Variants in KCTD12 observed in about 807,000 individuals in gnomAD.
KCTD12 encodes BTB/POZ domain-containing protein KCTD12.
KCTD12 carries 16 observed loss-of-function variants against 22.6 expected under a neutral mutation model. The ratio of observed to expected loss-of-function variants is 0.71; its 90% CI spans 0.48 to 1.07. The LOEUF (loss-of-function observed/expected upper bound fraction) is 1.07. KCTD12 is among the 50% of genes least tolerant of loss of function. KCTD12 has a pLI of 0.00. For synonymous variants in KCTD12, 260 were observed against 228.0 expected (o/e 1.14, Z -1.26); for missense variants, 452 against 469.2 (o/e 0.96, Z 0.34).
Position 76,885,240 on chromosome 13 carries a change from G to T in KCTD12, c.909C>A (p.Ala303=). The change falls in exon 1 of 1, where the codon GCC becomes GCA. Residue 303 remains alanine, a synonymous_variant. Transcript: ENST00000377474. This position sits in a 1 kb window ranked among gnomAD's most constrained non-coding sequence, Gnocchi z 5.1. ...ACSSTGTCAF[A]SSTDQSEDKI... is the part of the protein sequence containing the mutation. The stretch of plus-strand genomic sequence containing the variant: ...TGTCCTCGCTCTGGTCGGTGCTGCT[G>T]GCAAAGGCGCAGGTGCCCGTGGAGC... The T allele has an allele frequency of 1.2e-6, 2 of 1,614,124 alleles. No homozygotes were observed. Among genetic ancestry groups the T allele is most frequent in the Non-Finnish European group, 1.7e-6 (2 of 1,180,030 alleles).
chr13:76,885,470 C>T lies in KCTD12; in HGVS notation c.679G>A (p.Asp227Asn). 1.2e-6 allele frequency: 2 copies of T among 1,609,354 alleles called. No individual in the cohort carries two copies. The highest frequency in any genetic ancestry group is 1.7e-6 in the Non-Finnish European group (2 of 1,179,562). The change falls in exon 1 of 1, where the codon GAC becomes AAC. Residue 227 changes from aspartate to asparagine, a missense_variant. By Grantham distance (23) the Asp-to-Asn change is conservative. This residue lies in a region of KCTD12 where 122 missense variants were observed against 172.8 expected (regional missense o/e 0.71). Transcript: ENST00000377474. The surrounding 1 kb of genome is among the most constrained non-coding windows in gnomAD (Gnocchi z 5.1). ...CGCGCCACTCGCCGGAACTTGGCGT[C>T]CGCCTGCGCGTCCCGCCCGATGGTG... ...SYTIGRDAQA[D>N]AKFRRVARIT...
At position 76,886,261 on chromosome 13, in the gene KCTD12, G is replaced by C. The variant is rs2033272364; in HGVS notation, c.-113C>G. The C allele has an allele frequency of 1.2e-4, 103 of 831,852 alleles. No homozygotes were observed. The highest frequency in any genetic ancestry group is 2.6e-4 in the South Asian group (6 of 23,242). The allele number at this position is 831,852 out of a possible 1,614,324, so 51.5% of individuals were successfully genotyped here. Reference sequence around the variant, plus strand: ...GGACGCTCGCTCAGCCCTGCGCCCCGCCGCCGCCGCCGCCGCCACCGCCGC... The same window carrying C: ...GGACGCTCGCTCAGCCCTGCGCCCCCCCGCCGCCGCCGCCGCCACCGCCGC... On this transcript the variant is annotated 5_prime_UTR_variant, in exon 1 of 1. Transcript: ENST00000377474.
rs1233653234 is a variant in KCTD12 at position 76,884,868 on chromosome 13, G to T, written c.*303C>A. 1 of 375,196 alleles carries T rather than the reference G, an allele frequency of 2.7e-6. No individual in the cohort carries two copies. Among genetic ancestry groups the T allele is most frequent in the Admixed American group, 4.2e-5 (1 of 23,694 alleles). 23.2% of individuals were successfully genotyped at this position (375,196 alleles called of 1,614,324 possible). A position where few individuals can be genotyped will look rare whatever the true frequency, so the allele number is the denominator to read the frequency against. ...ATAGATCCAAACTGAAGTACCATCTGGGGGAGGGGTGGTTTGAGGCAGGGA... is the reference window on the plus strand; with the variant it reads ...ATAGATCCAAACTGAAGTACCATCTTGGGGAGGGGTGGTTTGAGGCAGGGA... On this transcript the variant is annotated 3_prime_UTR_variant, in exon 1 of 1. Coordinates refer to ENST00000377474, the MANE Select transcript of KCTD12 (RefSeq NM_138444.4).
Position 76,885,739 on chromosome 13 carries a change from G to GC in KCTD12, c.409_410insG (p.Pro137ArgfsTer18). 2 of 1,436,074 alleles carry GC rather than the reference G, an allele frequency of 1.4e-6. No individual in the cohort carries two copies. The highest frequency in any genetic ancestry group is 1.8e-6 in the Non-Finnish European group (2 of 1,107,626). 89.0% of individuals were successfully genotyped at this position (1,436,074 alleles called of 1,614,324 possible). ...CCCGCGCCGCGAGGGCGGCGGCCCC[G>GC]GGCCGGGCTGCTGGGGCGCCCCGAG... On this transcript the variant is annotated frameshift_variant, in exon 1 of 1. Transcript: ENST00000377474. LOFTEE classifies it high-confidence loss of function. This position sits in a 1 kb window ranked among gnomAD's most constrained non-coding sequence, Gnocchi z 5.1.
rs897981446 is a variant in KCTD12, at chr13:76,884,724, AC to A, written c.*446del. The A allele has an allele frequency of 1.7e-4, 28 of 165,646 alleles. No individual in the cohort carries two copies. Among genetic ancestry groups the A allele is most frequent in the South Asian group, 7.8e-4 (5 of 6,438 alleles). 10.3% of individuals were successfully genotyped at this position (165,646 alleles called of 1,614,324 possible). On this transcript the variant is annotated 3_prime_UTR_variant, in exon 1 of 1. Transcript: ENST00000377474. ...AGTGGAACCAATCCTGATCTCTTAA[AC>A]CCCCAGTGAGTCATAAGAGCTTGAG...
Position 76,886,255 on chromosome 13 carries a change from C to A in KCTD12, c.-107G>T, listed in dbSNP as rs2033271794. ...GAACCCGGACGCTCGCTCAGCCCTG[C>A]GCCCCGCCGCCGCCGCCGCCGCCAC... On this transcript the variant is annotated 5_prime_UTR_variant, in exon 1 of 1. Coordinates refer to ENST00000377474, the MANE Select transcript of KCTD12 (RefSeq NM_138444.4). 3.2e-6 allele frequency: 4 copies of A among 1,268,658 alleles called. No homozygotes were observed. Among genetic ancestry groups the A allele is most frequent in the Non-Finnish European group, 4.0e-6 (4 of 997,266 alleles). 78.6% of individuals were successfully genotyped at this position (1,268,658 alleles called of 1,614,324 possible).
Position 76,880,774 on chromosome 13 carries a change from T to TTTATACAATAG in KCTD12, c.*4396_*4397insCTATTGTATAA, listed in dbSNP as rs1566373767. The TTTATACAATAG allele has an allele frequency of 1.1e-3, 175 of 152,728 alleles. No homozygotes were observed. The highest frequency in any genetic ancestry group is 4.0e-3 in the African/African-American group (166 of 41,574). 9.5% of individuals were successfully genotyped at this position (152,728 alleles called of 1,614,324 possible). ...AAAAACAGTTGTATAATAGTTTACA[T>TTTATACAATAG]TACAATTAATGTACCCATACCTCAA... is the stretch of plus-strand genomic sequence containing the variant. On this transcript the variant is annotated 3_prime_UTR_variant, in exon 1 of 1. Coordinates refer to ENST00000377474, the MANE Select transcript of KCTD12 (RefSeq NM_138444.4).
chr13:76,884,870 G>T lies in KCTD12; in HGVS notation c.*301C>A. The stretch of plus-strand genomic sequence containing the variant: ...AGATCCAAACTGAAGTACCATCTGG[G>T]GGAGGGGTGGTTTGAGGCAGGGAGT... On this transcript the variant is annotated 3_prime_UTR_variant, in exon 1 of 1. Transcript: ENST00000377474. 1 of 379,456 alleles carries T rather than the reference G, an allele frequency of 2.6e-6. No individual in the cohort carries two copies. The allele number at this position is 379,456 out of a possible 1,614,324, so 23.5% of individuals were successfully genotyped here. A position where few individuals can be genotyped will look rare whatever the true frequency, so the allele number is the denominator to read the frequency against.
At position 76,882,907 on chromosome 13, in the gene KCTD12, G is replaced by A. The variant is rs2033219468; in HGVS notation, c.*2264C>T. On this transcript the variant is annotated 3_prime_UTR_variant, in exon 1 of 1. Transcript: ENST00000377474. ...TTTCCCAACTAAAAAAAAATTAGTG[G>A]ATTAAAAATACAGGTACCTTGACTT... 6.6e-6 allele frequency: 1 copy of A among 152,048 alleles called. No homozygotes were observed. Among genetic ancestry groups the A allele is most frequent in the Non-Finnish European group, 1.5e-5 (1 of 67,996 alleles). The allele number at this position is 152,048 out of a possible 1,614,324, so 9.4% of individuals were successfully genotyped here.
Position 76,883,460 on chromosome 13 carries a change from C to G in KCTD12, c.*1711G>C, listed in dbSNP as rs1362386865. ...GCATGACGAGGTTTATTTCCCTTCA[C>G]TTATGGTTTACATAGGATATGCATT... On this transcript the variant is annotated 3_prime_UTR_variant, in exon 1 of 1. Transcript: ENST00000377474. 3 of 152,606 alleles carry G rather than the reference C, an allele frequency of 2.0e-5. No homozygotes were observed. The highest frequency in any genetic ancestry group is 7.2e-5 in the African/African-American group (3 of 41,432). The allele number at this position is 152,606 out of a possible 1,614,324, so 9.5% of individuals were successfully genotyped here.
rs1242936737 is a variant in KCTD12, at chr13:76,883,644, T to C, written c.*1527A>G. On this transcript the variant is annotated 3_prime_UTR_variant, in exon 1 of 1. Coordinates refer to ENST00000377474, the MANE Select transcript of KCTD12 (RefSeq NM_138444.4). The stretch of plus-strand genomic sequence containing the variant: ...ATTCCATTTTACAGCTATCTACAGA[T>C]AGGCAGCCCTTGGTGCTGAGTTCTC... 1.3e-5 allele frequency: 2 copies of C among 152,652 alleles called. No individual in the cohort carries two copies. The highest frequency in any genetic ancestry group is 4.8e-5 in the African/African-American group (2 of 41,464). 9.5% of individuals were successfully genotyped at this position (152,652 alleles called of 1,614,324 possible). A position where few individuals can be genotyped will look rare whatever the true frequency, so the allele number is the denominator to read the frequency against.
In KCTD12 at chr13:76,885,602, T is replaced by C. The variant is rs570697372; in HGVS notation, c.547A>G (p.Ser183Gly). 1.3e-5 allele frequency: 20 copies of C among 1,526,910 alleles called. No homozygotes were observed. In the African/African-American group the frequency reaches 2.8e-4, roughly 21 times the overall value. 94.6% of individuals were successfully genotyped at this position (1,526,910 alleles called of 1,614,324 possible). A position where few individuals can be genotyped will look rare whatever the true frequency, so the allele number is the denominator to read the frequency against. ...GCCGCGCCCCCGGACGGACTGCGGCTAGCCAGCTCCAGCGTGGGCGACGGC... is the reference window on the plus strand; with the variant it reads ...GCCGCGCCCCCGGACGGACTGCGGCCAGCCAGCTCCAGCGTGGGCGACGGC... ...GAPSPTLELASRSPSGGAAGP... is the reference protein window; with the variant it reads ...GAPSPTLELAGRSPSGGAAGP... The change falls in exon 1 of 1, where the codon AGC becomes GGC. Residue 183 changes from serine (S) to glycine (G), a missense_variant. Ser to Gly is a moderately conservative substitution (Grantham distance 56, BLOSUM62 0). Around this residue, in one of 2 missense-constraint regions of KCTD12, gnomAD observed 330 missense variants for 296.5 expected, o/e 1.11. Coordinates refer to ENST00000377474, the MANE Select transcript of KCTD12 (RefSeq NM_138444.4). The surrounding 1 kb of genome is among the most constrained non-coding windows in gnomAD (Gnocchi z 5.1).
Position 76,885,582 on chromosome 13 carries a change from G to A in KCTD12, c.567C>T (p.Gly189=), listed in dbSNP as rs756214411. 1 of 1,536,684 alleles carries A rather than the reference G, an allele frequency of 6.5e-7. No individual in the cohort carries two copies. The highest frequency in any genetic ancestry group is 1.4e-5 in the African/African-American group (1 of 73,380). Residue 189 remains glycine (G), a synonymous_variant, in exon 1 of 1, where the codon GGC becomes GGT. Transcript: ENST00000377474. The surrounding 1 kb of genome is among the most constrained non-coding windows in gnomAD (Gnocchi z 5.1). ...ACGGCGTGAGCAGCGGGCCCGCCGC[G>A]CCCCCGGACGGACTGCGGCTAGCCA... ...LELASRSPSG[G]AAGPLLTPSQ... is the part of the protein sequence containing the mutation.
chr13:76,886,196 C>G lies in KCTD12; in HGVS notation c.-48G>C. 1 of 1,405,326 alleles carries G rather than the reference C, an allele frequency of 7.1e-7. No homozygotes were observed. Among genetic ancestry groups the G allele is most frequent in the Non-Finnish European group, 9.2e-7 (1 of 1,086,550 alleles). The allele number at this position is 1,405,326 out of a possible 1,614,324, so 87.1% of individuals were successfully genotyped here. A position where few individuals can be genotyped will look rare whatever the true frequency, so the allele number is the denominator to read the frequency against. On this transcript the variant is annotated 5_prime_UTR_variant, in exon 1 of 1. Coordinates refer to ENST00000377474, the MANE Select transcript of KCTD12 (RefSeq NM_138444.4). ...GACAGTGGCAGGAAGCCGCGCTGCACTCAGGAGCTGCAACCGCCTTCCCCG... is the reference window on the plus strand; with the variant it reads ...GACAGTGGCAGGAAGCCGCGCTGCAGTCAGGAGCTGCAACCGCCTTCCCCG...
In KCTD12 at chr13:76,882,735, A is replaced by G. The variant is rs1351550563; in HGVS notation, c.*2436T>C. ...GCTTCAAACAGATGAATTCTGATGC[A>G]TTACTTAGTCTGAGACCAAACTCAA... On this transcript the variant is annotated 3_prime_UTR_variant, in exon 1 of 1. Transcript: ENST00000377474. 6.7e-6 allele frequency: 1 copy of G among 149,166 alleles called. No homozygotes were observed. The highest frequency in any genetic ancestry group is 6.6e-5 in the Admixed American group (1 of 15,142). 9.2% of individuals were successfully genotyped at this position (149,166 alleles called of 1,614,324 possible).
At position 76,885,332 on chromosome 13, in the gene KCTD12, T is replaced by G. The variant is rs2033251740; in HGVS notation, c.817A>C (p.Lys273Gln). 6.2e-7 allele frequency: 1 copy of G among 1,613,716 alleles called. No individual in the cohort carries two copies. The highest frequency in any genetic ancestry group is 8.5e-7 in the Non-Finnish European group (1 of 1,179,940). The change falls in exon 1 of 1, where the codon AAG becomes CAG. Residue 273 changes from lysine to glutamine, a missense_variant. By Grantham distance (53) the Lys-to-Gln change is moderately conservative (BLOSUM62 1). This residue lies in a region of KCTD12 where 122 missense variants were observed against 172.8 expected (regional missense o/e 0.71). Coordinates refer to ENST00000377474, the MANE Select transcript of KCTD12 (RefSeq NM_138444.4). The surrounding 1 kb of genome is among the most constrained non-coding windows in gnomAD (Gnocchi z 5.1). The stretch of plus-strand genomic sequence containing the variant: ...AAGGCCTGCTCCAGGAAGTTGAACT[T>G]GAGGTAATAGCGCGAGGTGTAGCGC... ...PERYTSRYYL[K>Q]FNFLEQAFDK...
rs971345242 is a variant in KCTD12, at chr13:76,883,761, C to A, written c.*1410G>T. 1 of 152,584 alleles carries A rather than the reference C, an allele frequency of 6.6e-6. No individual in the cohort carries two copies. Among genetic ancestry groups the A allele is most frequent in the African/African-American group, 2.4e-5 (1 of 41,438 alleles). 9.5% of individuals were successfully genotyped at this position (152,584 alleles called of 1,614,324 possible). The stretch of plus-strand genomic sequence containing the variant: ...GTTTTCAGGTTTGCCCAGAAGTCAA[C>A]GTTTGCTGGGCTTGGAGAAAATAAG... On this transcript the variant is annotated 3_prime_UTR_variant, in exon 1 of 1. Transcript: ENST00000377474.
At position 76,885,394 on chromosome 13, in the gene KCTD12, G is replaced by A; in HGVS notation, c.755C>T (p.Thr252Ile). ...GTCGGGGTCCCGGCTTTCGTTCAGGGTGTCCCCAAACACCTCCTTGGCCAG... is the reference window on the plus strand; with the variant it reads ...GTCGGGGTCCCGGCTTTCGTTCAGGATGTCCCCAAACACCTCCTTGGCCAG... ...TSLAKEVFGD[T>I]LNESRDPDRP... The change falls in exon 1 of 1, where the codon ACC becomes ATC. Residue 252 changes from threonine to isoleucine, a missense_variant. Physicochemically the swap from Thr to Ile is moderately conservative, Grantham distance 89 (BLOSUM62 -1). Around this residue, in one of 2 missense-constraint regions of KCTD12, gnomAD observed 122 missense variants for 172.8 expected, o/e 0.71. Transcript: ENST00000377474. This position sits in a 1 kb window ranked among gnomAD's most constrained non-coding sequence, Gnocchi z 5.1. The A allele has an allele frequency of 6.2e-7, 1 of 1,613,814 alleles. No individual in the cohort carries two copies.
At position 76,881,781 on chromosome 13, in the gene KCTD12, C is replaced by G. The variant is rs2033206140; in HGVS notation, c.*3390G>C. Reference sequence around the variant, plus strand: ...TAGAATGAATACTGTTCATGGTCCACATGTATTAAAAAACATGTCAATTAC... The same window carrying G: ...TAGAATGAATACTGTTCATGGTCCAGATGTATTAAAAAACATGTCAATTAC... On this transcript the variant is annotated 3_prime_UTR_variant, in exon 1 of 1. Coordinates refer to ENST00000377474, the MANE Select transcript of KCTD12 (RefSeq NM_138444.4). The G allele has an allele frequency of 2.4e-5, 1 of 42,536 alleles. No individual in the cohort carries two copies. The highest frequency in any genetic ancestry group is 2.4e-4 in the Admixed American group (1 of 4,210). 2.6% of individuals were successfully genotyped at this position (42,536 alleles called of 1,614,324 possible). A position where few individuals can be genotyped will look rare whatever the true frequency, so the allele number is the denominator to read the frequency against.
Sources: allele counts gnomAD v4.1 joint callset, GRCh38; gene constraint gnomAD v4.1.1; regional missense constraint gnomAD v4.1.1; non-coding constraint Gnocchi (gnomAD v3.1); transcripts MANE v1.5; gene names NCBI Gene and HGNC (gene_info 2026-07-23, HGNC 2026-07-21).